The following PIDD1 variants were observed in gnomAD, a reference collection of about 807,000 sequenced individuals.
PIDD1 encodes p53-induced death domain-containing protein 1.
A neutral mutation model predicts 80.0 loss-of-function variants in PIDD1; 72 were observed. The observed-to-expected ratio is 0.90, with a 90% CI of 0.74 to 1.09. The LOEUF (loss-of-function observed/expected upper bound fraction) is 1.09. PIDD1 is among the 50% of genes least tolerant of loss of function. PIDD1 has a pLI of 0.00. For synonymous variants in PIDD1, 655 were observed against 543.5 expected, an observed-to-expected ratio of 1.21 and a Z score of -2.85; for missense variants, 1,329 against 1,228.3, an observed-to-expected ratio of 1.08 and a Z score of -1.23.
At chr11:804,779 T>C (rs1865662247) in intron 1 of PIDD1, 2 of 207,628 alleles carry the variant, frequency 9.6e-6, no homozygotes, top group Non-Finnish European at 1.9e-5. Flanking sequence ...TGCGAGGTCA[T>C]AGGGGCTGTT....
In PIDD1 at chr11:799,330, G is replaced by A. The variant is rs1170570085; in HGVS notation, c.2710C>T (p.Pro904Ser). 5.0e-6 allele frequency: 8 copies of A among 1,606,334 alleles called. No homozygotes were observed. The highest frequency in any genetic ancestry group is 1.1e-5 in the South Asian group (1 of 90,832). Residue 904 changes from proline to serine, a missense_variant, in exon 16 of 16, where the codon CCC becomes TCC. By Grantham distance (74) the Pro-to-Ser change is moderately conservative. Coordinates refer to ENST00000347755, the MANE Select transcript of PIDD1 (RefSeq NM_145886.4). ...PALPGSSAPQ[P>S]PEPAQA Reference sequence around the variant, plus strand: ...GCCTAGGCCTGGGCAGGCTCTGGGGGCTGTGGAGCCGAGGAGCCAGGCAGA... The same window carrying A: ...GCCTAGGCCTGGGCAGGCTCTGGGGACTGTGGAGCCGAGGAGCCAGGCAGA...
upstream of PIDD1, among the ~76,000 whole-genome samples, chr11:807,863 C>T (rs527626485): frequency 3.0e-4 from 45 of 152,322 alleles, no homozygotes; most frequent in Non-Finnish European, 5.0e-4. Flanking sequence ...GTTCCCAGGA[C>T]GCAATCCTCA....
chr11:802,993 C>A, intron 3 of PIDD1, 102 bp from the exon 4 acceptor site: 1 of 1,108,612 alleles, frequency 9.0e-7, no homozygotes, highest in African/African-American at 1.6e-5. Context: ...CTCTCCTCCA[C>A]AGCTGGGCTC....
Position 799,198 on chromosome 11 carries a change from C to T in PIDD1, c.*109G>A. 9.1e-7 allele frequency: 1 copy of T among 1,100,332 alleles called. No homozygotes were observed. The highest frequency in any genetic ancestry group is 1.6e-5 in the African/African-American group (1 of 63,562). 68.2% of individuals were successfully genotyped at this position (1,100,332 alleles called of 1,614,324 possible). The stretch of plus-strand genomic sequence containing the variant: ...AAGCTCTGAGGTGAAAGAAACAGTG[C>T]AGTTTTGTTGCTCACAGGGACCCGT... On this transcript the variant is annotated 3_prime_UTR_variant, in exon 16 of 16. Transcript: ENST00000347755.
At chr11:807,227 G>A (rs1368867827), upstream of PIDD1, among the ~76,000 whole-genome samples, 4 of 149,194 alleles carry the variant, frequency 2.7e-5, no homozygotes, top group Admixed American at 6.7e-5. Flanking sequence ...GCTGTGGCTC[G>A]CATCTGTAAT....
intron 9 of PIDD1, 47 bp from the exon 10 acceptor site, chr11:801,167 C>A: frequency 6.5e-7 from 1 of 1,545,318 alleles, no homozygotes; most frequent in East Asian, 2.3e-5. Context: ...GCCGGAGACC[C>A]CCTCCACCCT....
chr11:805,314 C>G, upstream of PIDD1: 1 of 746,744 alleles, frequency 1.3e-6, no homozygotes, highest in Non-Finnish European at 1.6e-6. Flanking sequence ...CGCGCCCCCT[C>G]CGCCGGGCTG....
At position 800,377 on chromosome 11, in the gene PIDD1, C is replaced by G. The variant is rs762006301; in HGVS notation, c.2116G>C (p.Val706Leu). The change falls in exon 13 of 16, where the codon GTG (valine) becomes CTG (leucine). Residue 706 changes from valine (V) to leucine (L), a missense_variant. Coordinates refer to ENST00000347755, the MANE Select transcript of PIDD1 (RefSeq NM_145886.4). The part of the protein sequence containing the change: ...SHLKNVKEVY[V>L]TTTLDREAQA... The stretch of plus-strand genomic sequence containing the variant: ...GCCTCCCGGTCCAGAGTGGTGGTCA[C>G]GTATACCTCCTTCACATTCTTCAGG... 6.2e-7 allele frequency: 1 copy of G among 1,605,464 alleles called. No individual in the cohort carries two copies. The highest frequency in any genetic ancestry group is 1.1e-5 in the South Asian group (1 of 90,906).
chr11:800,546 C>T lies in PIDD1; in HGVS notation c.2038G>A (p.Ala680Thr). ...AAFERGIDVD[A>T]DRPDCVEGRI... The stretch of plus-strand genomic sequence containing the variant: ...GAGCATCCACCAGCATCCCTACCAG[C>T]ATCCACGTCGATGCCGCGCTCGAAG... Residue 680 changes from alanine (A) to threonine (T), a missense_variant, in exon 12 of 16, where the codon GCT becomes ACT. Transcript: ENST00000347755. 6.2e-7 allele frequency: 1 copy of T among 1,609,704 alleles called. No individual in the cohort carries two copies. The highest frequency in any genetic ancestry group is 8.5e-7 in the Non-Finnish European group (1 of 1,179,580).
chr11:799,928 C>T lies in PIDD1; in HGVS notation c.2361G>A (p.Leu787=), dbSNP rs1424858097. 2 of 1,612,782 alleles carry T rather than the reference C, an allele frequency of 1.2e-6. No homozygotes were observed. The highest frequency in any genetic ancestry group is 2.2e-5 in the East Asian group (1 of 44,882). The change falls in exon 15 of 16, where the codon CTG becomes CTA. Residue 787 remains leucine, a synonymous_variant. Coordinates refer to ENST00000347755, the MANE Select transcript of PIDD1 (RefSeq NM_145886.4). The part of the protein sequence containing the change: ...LNLGDAETGF[L]TQSNLLSVAG... ...CCACACTCAGCAGGTTGCTCTGCGT[C>T]AGAAAGCCGGTCTCGGCATCTCCCA...
At position 803,174 on chromosome 11, in the gene PIDD1, C is replaced by A. The variant is rs1865518544; in HGVS notation, c.709G>T (p.Ala237Ser). Residue 237 changes from alanine (A) to serine (S), a missense_variant and splice_region_variant, in exon 3 of 16, where the codon GCG becomes TCG. Ala to Ser is a moderately conservative substitution (Grantham distance 99). Transcript: ENST00000347755. ...NRLQSLPASL[A>S]GLRSLRLLVL... Reference sequence around the variant, plus strand: ...GTGTCGGGGCGCAGGGGCTACTCACCCAGAGAGGCTGGGAGGCTCTGCAGC... The same window carrying A: ...GTGTCGGGGCGCAGGGGCTACTCACACAGAGAGGCTGGGAGGCTCTGCAGC... 2 of 1,598,970 alleles carry A rather than the reference C, an allele frequency of 1.3e-6. No homozygotes were observed. Among genetic ancestry groups the A allele is most frequent in the African/African-American group, 2.7e-5 (2 of 74,546 alleles).
upstream of PIDD1, chr11:805,271 A>AGACCCCGCCCCTT: frequency 1.0e-6 from 1 of 968,872 alleles, no homozygotes; most frequent in Non-Finnish European, 1.2e-6. Context: ...CGGGGACTGC[A>AGACCCCGCCCCTT]GACCCCGCCC....
chr11:809,211 G>C (rs1045011434), upstream of PIDD1, among the ~76,000 whole-genome samples: 1 of 152,244 alleles, frequency 6.6e-6, no homozygotes, highest in Non-Finnish European at 1.5e-5. Context: ...ACCGAGGTCA[G>C]TTCCGGGCCA....
chr11:800,472 G>T, intron 12 of PIDD1, 21 bp from the exon 13 acceptor site: 1 of 1,611,654 alleles, frequency 6.2e-7, no homozygotes. Context: ...GGGGTGGGCT[G>T]AGCAAGGAGG....
upstream of PIDD1, chr11:805,328 TC>T (rs1865712720): frequency 9.3e-6 from 6 of 641,772 alleles, no homozygotes; most frequent in South Asian, 4.0e-4. Context: ...CGGGCTGGGG[TC>T]CACGGGGGAG....
chr11:801,469 C>T lies in PIDD1; in HGVS notation c.1458G>A (p.Glu486=), dbSNP rs770535831. ...VKVIFPPGAT[E]EPRRVSMQVV... Reference sequence around the variant, plus strand: ...CCTGCATGGAGACTCGACGAGGCTCCTCAGTGGCCCCAGGGGGGAAGATGA... The same window carrying T: ...CCTGCATGGAGACTCGACGAGGCTCTTCAGTGGCCCCAGGGGGGAAGATGA... The change falls in exon 8 of 16, where the codon GAG becomes GAA. Residue 486 remains glutamate, a synonymous_variant. Transcript: ENST00000347755. The T allele has an allele frequency of 1.9e-6, 3 of 1,545,036 alleles. No homozygotes were observed. The East Asian group carries it at 7.0e-5, about 36-fold the overall frequency.
rs370316550 is a variant in PIDD1, at chr11:799,396, C to A, written c.2644G>T (p.Asp882Tyr). ...VLELGRRKYQ[D>Y]SIRRMGLAPK... is the part of the protein sequence containing the mutation. ...GCCAAGCCCATGCGTCGGATGCTGTCCTGGTACTTGCGGCGGCCGAGCTCC... is the reference window on the plus strand; with the variant it reads ...GCCAAGCCCATGCGTCGGATGCTGTACTGGTACTTGCGGCGGCCGAGCTCC... Residue 882 changes from aspartate (D) to tyrosine (Y), a missense_variant, in exon 16 of 16, where the codon GAC becomes TAC. Coordinates refer to ENST00000347755, the MANE Select transcript of PIDD1 (RefSeq NM_145886.4). The A allele has an allele frequency of 1.2e-6, 2 of 1,611,920 alleles. No individual in the cohort carries two copies. Among genetic ancestry groups the A allele is most frequent in the African/African-American group, 2.7e-5 (2 of 74,938 alleles).
chr11:801,411 C>T (rs753041263), intron 8 of PIDD1, 34 bp downstream of exon 8: 34 of 1,575,774 alleles, frequency 2.2e-5, no homozygotes, highest in Admixed American at 3.6e-5. Flanking sequence ...GGCTGAGGCG[C>T]GGCCTGCCAC....
Position 799,336 on chromosome 11 carries a change from G to C in PIDD1, c.2704C>G (p.Pro902Ala). Residue 902 changes from proline to alanine, a missense_variant, in exon 16 of 16, where the codon CCA (proline) becomes GCA (alanine). Coordinates refer to ENST00000347755, the MANE Select transcript of PIDD1 (RefSeq NM_145886.4). ...KDPALPGSSAPQPPEPAQA is the reference protein window; with the variant it reads ...KDPALPGSSAAQPPEPAQA The stretch of plus-strand genomic sequence containing the variant: ...GCCTGGGCAGGCTCTGGGGGCTGTG[G>C]AGCCGAGGAGCCAGGCAGAGCGGGG... The C allele has an allele frequency of 6.2e-7, 1 of 1,607,766 alleles. No individual in the cohort carries two copies. The highest frequency in any genetic ancestry group is 8.5e-7 in the Non-Finnish European group (1 of 1,178,328).
Sources: gnomAD v4.1 joint callset for allele counts (sites outside exome capture counted in the v4.1 genomes callset) on GRCh38, gnomAD v4.1.1 for gene constraint, MANE v1.5 for transcripts, NCBI Gene and HGNC (gene_info 2026-07-23, HGNC 2026-07-21) for gene names.